The following CADPS2 variants were observed in gnomAD, a reference collection of about 807,000 sequenced individuals.
CADPS2 encodes calcium-dependent secretion activator 2.
CADPS2 carries 93 observed loss-of-function variants against 172.5 expected under a neutral mutation model. The observed-to-expected ratio is 0.54, with a 90% CI of 0.46 to 0.64. CADPS2 has a LOEUF of 0.64. CADPS2 is among the 30% of genes least tolerant of loss of function. The pLI, the probability that CADPS2 is intolerant of heterozygous loss-of-function variation, is 0.00. For missense variants in CADPS2, 1,420 were observed against 1,565.9 expected (o/e 0.91, Z 1.57); for synonymous variants, 546 against 555.2 (o/e 0.98, Z 0.23).
intron 8 of CADPS2, among the ~76,000 whole-genome samples, chr7:122,527,608 G>T (rs1439216109): frequency 2.4e-5 from 3 of 126,138 alleles, no homozygotes; most frequent in African/African-American, 9.6e-5. Context: ...GAGAGAGAGA[G>T]AGAGAGAGAG....
At chr7:122,467,571 T>A (rs992722662) in intron 14 of CADPS2, among the ~76,000 whole-genome samples, 1 of 152,242 alleles carries the variant, frequency 6.6e-6, no homozygotes, top group Admixed American at 6.5e-5. Context: ...CATGTTGTAC[T>A]CTTGTGCCCT....
chr7:122,869,797 T>C (rs1396341607), intron 1 of CADPS2, among the ~76,000 whole-genome samples: 1 of 152,088 alleles, frequency 6.6e-6, no homozygotes, highest in Non-Finnish European at 1.5e-5. Flanking sequence ...CAGTAAAAGA[T>C]ACAAAATATG....
At chr7:122,762,188 C>T (rs2093411631) in intron 1 of CADPS2, among the ~76,000 whole-genome samples, 1 of 150,706 alleles carries the variant, frequency 6.6e-6, no homozygotes, top group African/African-American at 2.4e-5. Context: ...TCAAGAAATC[C>T]CCCAAAGATA....
intron 1 of CADPS2, among the ~76,000 whole-genome samples, chr7:122,854,808 C>T (rs1291533061): frequency 1.3e-5 from 2 of 152,300 alleles, no homozygotes; most frequent in African/African-American, 4.8e-5. Context: ...AACAGGTACT[C>T]TCACTGACAT....
chr7:122,512,199 G>T, intron 9 of CADPS2, among the ~76,000 whole-genome samples: 1 of 152,236 alleles, frequency 6.6e-6, no homozygotes, highest in South Asian at 2.1e-4. Context: ...CATCAATAAA[G>T]TAATTTTATC....
intron 7 of CADPS2, among the ~76,000 whole-genome samples, chr7:122,571,533 G>T (rs2067254331): frequency 2.6e-5 from 4 of 152,202 alleles, no homozygotes; most frequent in South Asian, 4.1e-4. Context: ...CAACTTCTCA[G>T]AGAATGACCA....
chr7:122,527,081 C>T (rs961415678), intron 8 of CADPS2, among the ~76,000 whole-genome samples: 1 of 152,018 alleles, frequency 6.6e-6, no homozygotes, highest in African/African-American at 2.4e-5. Context: ...TCTTGGATAG[C>T]CTTTGGATTT....
At chr7:122,542,491 C>A (rs2063203194) in intron 8 of CADPS2, among the ~76,000 whole-genome samples, 1 of 152,064 alleles carries the variant, frequency 6.6e-6, no homozygotes, top group African/African-American at 2.4e-5. Flanking sequence ...TCATAACTTT[C>A]ATTTTAAGAT....
At chr7:122,672,070 A>G (rs1462325592) in intron 2 of CADPS2, among the ~76,000 whole-genome samples, 3 of 152,224 alleles carry the variant, frequency 2.0e-5, no homozygotes, top group Non-Finnish European at 2.9e-5. Context: ...TGAGTAAAAT[A>G]AATTATACTG....
At chr7:122,833,333 G>A (rs918707915) in intron 1 of CADPS2, among the ~76,000 whole-genome samples, 1 of 152,020 alleles carries the variant, frequency 6.6e-6, no homozygotes, top group African/African-American at 2.4e-5. Flanking sequence ...AAATTGATAT[G>A]TACCATGCTT....
chr7:122,474,919 G>A (rs1019835405), intron 12 of CADPS2, among the ~76,000 whole-genome samples: 1 of 152,090 alleles, frequency 6.6e-6, no homozygotes, highest in African/African-American at 2.4e-5. Context: ...TGGCAAACTA[G>A]GGCAGAATTG....
At chr7:122,868,950 G>A (rs897907054) in intron 1 of CADPS2, among the ~76,000 whole-genome samples, 2 of 152,106 alleles carry the variant, frequency 1.3e-5, no homozygotes, top group Non-Finnish European at 2.9e-5. Context: ...CCTAAGTCAA[G>A]AGGAAGAGAA....
At chr7:122,865,683 C>T (rs894875741) in intron 1 of CADPS2, among the ~76,000 whole-genome samples, 1 of 152,178 alleles carries the variant, frequency 6.6e-6, no homozygotes, top group African/African-American at 2.4e-5. Flanking sequence ...GTTATTGACC[C>T]ACATTCTCTA....
At chr7:122,776,567 G>GAA (rs371142744) in intron 1 of CADPS2, among the ~76,000 whole-genome samples, 5 of 135,298 alleles carry the variant, frequency 3.7e-5, no homozygotes, top group Admixed American at 7.3e-5. Context: ...TCAGAAAAAA[G>GAA]AAAAAAAAAA....
At chr7:122,350,929 C>T (rs1203744273) in intron 27 of CADPS2, among the ~76,000 whole-genome samples, 1 of 151,848 alleles carries the variant, frequency 6.6e-6, no homozygotes, top group Non-Finnish European at 1.5e-5. Context: ...CTACTGCCCT[C>T]TAGCCTGGGT....
At chr7:122,527,617 A>AGAGAGAGAGAGAGAGCGTGTGTGT in intron 8 of CADPS2, among the ~76,000 whole-genome samples, 1 of 83,806 alleles carries the variant, frequency 1.2e-5, no homozygotes, top group Non-Finnish European at 2.6e-5. Context: ...AGAGAGAGAG[A>AGAGAGAGAGAGAGAGCGTGTGTGT]GTGTGTGTGT....
intron 12 of CADPS2, among the ~76,000 whole-genome samples, chr7:122,476,367 GTAAA>G (rs1458405077): frequency 6.6e-6 from 1 of 151,634 alleles, no homozygotes; most frequent in Non-Finnish European, 1.5e-5. Flanking sequence ...TGTGAAAAAA[GTAAA>G]AAAATCTTTC....
chr7:122,617,276 GAA>G (rs1387278752), intron 5 of CADPS2, among the ~76,000 whole-genome samples: 1 of 152,114 alleles, frequency 6.6e-6, no homozygotes, highest in Non-Finnish European at 1.5e-5. Context: ...CTTCTGTGAT[GAA>G]TCTATATGTA....
At chr7:122,802,176 A>C (rs17144900) in intron 1 of CADPS2, among the ~76,000 whole-genome samples, 2,233 of 152,242 alleles carry the variant, frequency 0.015, 54 homozygotes, top group African/African-American at 0.051. Context: ...ATTTTGGAGG[A>C]CTCTATACTG....
Sources: gnomAD v4.1 joint callset for allele counts (sites outside exome capture counted in the v4.1 genomes callset) on GRCh38, gnomAD v4.1.1 for gene constraint, MANE v1.5 for transcripts, NCBI Gene and HGNC (gene_info 2026-07-23, HGNC 2026-07-21) for gene names.